Variants in CYP19A1 observed in about 807,000 individuals in gnomAD.
CYP19A1 encodes cytochrome P450 family 19 subfamily A member 1.
In CYP19A1, 32 loss-of-function variants were observed where a neutral mutation model predicts 44.4. That is an observed-to-expected ratio of 0.72 (90% CI 0.54 to 0.97). CYP19A1 has a LOEUF of 0.97. Ranked by LOEUF, CYP19A1 falls within the 50% of genes least tolerant of loss-of-function variation. CYP19A1 has a pLI of 0.00. For missense variants in CYP19A1, 598 were observed against 637.8 expected, an observed-to-expected ratio of 0.94 and a Z score of 0.67; for synonymous variants, 212 against 215.6, an observed-to-expected ratio of 0.98 and a Z score of 0.14.
intron 5 of CYP19A1, among the ~76,000 whole-genome samples, chr15:51,220,974 T>A (rs1161570640): frequency 6.9e-6 from 1 of 144,092 alleles, no homozygotes; most frequent in Non-Finnish European, 1.6e-5. Context: ...TGCATGCACA[T>A]GTTTTTTTTT....
At chr15:51,248,255 C>T (rs531341432) in intron 1 of CYP19A1, among the ~76,000 whole-genome samples, 5 of 152,354 alleles carry the variant, frequency 3.3e-5, no homozygotes, top group South Asian at 2.1e-4. Flanking sequence ...AACAAACCAT[C>T]TCTCCATGAG....
In CYP19A1 at chr15:51,331,617, G is replaced by A. The variant is rs1243728514; in HGVS notation, c.-39+6878C>T. Among the ~76,000 whole-genome samples, 4 of 151,982 alleles carry A rather than the reference G, an allele frequency of 2.6e-5. No homozygotes were observed. The East Asian group carries it at 7.7e-4, about 29-fold the overall frequency. On this transcript the variant is annotated intron_variant, in intron 1 of 9. Transcript: ENST00000396402. ...ATGTGGTAGGACTGGATAGAATGGGGGCGAGTTCAGGGGGGCGCGACTTCT... is the reference window on the plus strand; with the variant it reads ...ATGTGGTAGGACTGGATAGAATGGGAGCGAGTTCAGGGGGGCGCGACTTCT...
chr15:51,292,246 T>C (rs1201970507), intron 1 of CYP19A1, among the ~76,000 whole-genome samples: 4 of 152,192 alleles, frequency 2.6e-5, no homozygotes, highest in African/African-American at 9.6e-5. Context: ...CCAACTAGGG[T>C]TAATTATTGG....
At chr15:51,293,703 C>CG (rs1256710134) in intron 1 of CYP19A1, 1 of 157,842 alleles carries the variant, frequency 6.3e-6, no homozygotes, top group African/African-American at 2.4e-5. Flanking sequence ...ATTGCAGGCG[C>CG]GCGCCGCCAC....
In CYP19A1 at chr15:51,208,423, G is replaced by A. The variant is rs1054664190; in HGVS notation, c.*2385C>T. On this transcript the variant is annotated 3_prime_UTR_variant, in exon 10 of 10. Transcript: ENST00000396402. ...AGCCCTTATATGCATGCATTTCACT[G>A]ATAATTTACACATTGCAGTTCTTTC... is the stretch of plus-strand genomic sequence containing the variant. 1 of 152,184 alleles carries A rather than the reference G, an allele frequency of 6.6e-6. No homozygotes were observed. Among genetic ancestry groups the A allele is most frequent in the Middle Eastern group, 3.4e-3 (1 of 294 alleles). The allele number at this position is 152,184 out of a possible 1,614,324, so 9.4% of individuals were successfully genotyped here.
chr15:51,219,422 T>A (rs960843186), intron 5 of CYP19A1, among the ~76,000 whole-genome samples: 9 of 152,242 alleles, frequency 5.9e-5, no homozygotes, highest in Non-Finnish European at 1.0e-4. Flanking sequence ...CCAGTCACCA[T>A]GCTAGGCACT....
intron 1 of CYP19A1, among the ~76,000 whole-genome samples, chr15:51,329,780 G>T (rs1305272585): frequency 6.6e-6 from 1 of 152,194 alleles, no homozygotes; most frequent in Non-Finnish European, 1.5e-5. Flanking sequence ...TACATGCCAG[G>T]TATGCATGAG....
At chr15:51,265,368 T>C (rs575772275) in intron 1 of CYP19A1, among the ~76,000 whole-genome samples, 1 of 152,276 alleles carries the variant, frequency 6.6e-6, no homozygotes, top group Non-Finnish European at 1.5e-5. Context: ...AAAAAATAAA[T>C]ATTTTGAGTT....
chr15:51,249,033 A>G lies in CYP19A1; in HGVS notation c.-38-6083T>C, dbSNP rs2034192617. Among the ~76,000 whole-genome samples the G allele has an allele frequency of 2.0e-5, 3 of 150,958 alleles. 1 individual carries two copies. Among genetic ancestry groups the G allele is most frequent in the Admixed American group, 1.3e-4 (2 of 15,098 alleles). Reference sequence around the variant, plus strand: ...TGACTCACTGCAACCTCCGCCTCCCAGGTTCAAACGATTCTCCTGCCTCGG... The same window carrying G: ...TGACTCACTGCAACCTCCGCCTCCCGGGTTCAAACGATTCTCCTGCCTCGG... On this transcript the variant is annotated intron_variant, in intron 1 of 9. Transcript: ENST00000396402.
chr15:51,248,743 A>G (rs776320114), intron 1 of CYP19A1, among the ~76,000 whole-genome samples: 9 of 152,054 alleles, frequency 5.9e-5, no homozygotes, highest in Non-Finnish European at 8.8e-5. Flanking sequence ...CTGAGTTTGC[A>G]CTGTCTCCAG....
chr15:51,252,446 G>A (rs1227701897), intron 1 of CYP19A1, among the ~76,000 whole-genome samples: 1 of 152,140 alleles, frequency 6.6e-6, no homozygotes, highest in African/African-American at 2.4e-5. Context: ...GTTGTTTCCA[G>A]GTTATAAGAG....
intron 1 of CYP19A1, among the ~76,000 whole-genome samples, chr15:51,323,665 G>C (rs1006298839): frequency 6.6e-5 from 10 of 152,044 alleles, no homozygotes; most frequent in African/African-American, 2.2e-4. Context: ...TCCATGCCCT[G>C]CCCCCAGCAC....
intron 1 of CYP19A1, among the ~76,000 whole-genome samples, chr15:51,250,214 C>T (rs191972137): frequency 1.3e-5 from 2 of 152,330 alleles, no homozygotes; most frequent in Non-Finnish European, 1.5e-5. Context: ...TGCTAAAACC[C>T]ACATTTCACA....
intron 2 of CYP19A1, among the ~76,000 whole-genome samples, chr15:51,240,828 G>T (rs1385684915): frequency 6.6e-6 from 1 of 152,102 alleles, no homozygotes; most frequent in Non-Finnish European, 1.5e-5. Context: ...CCTTCACTGG[G>T]CTTTAACCAT....
chr15:51,220,976 T>G (rs1377476861), intron 5 of CYP19A1, among the ~76,000 whole-genome samples: 1 of 97,240 alleles, frequency 1.0e-5, no homozygotes, highest in Non-Finnish European at 2.5e-5. Flanking sequence ...CATGCACATG[T>G]TTTTTTTTTT....
intron 1 of CYP19A1, among the ~76,000 whole-genome samples, chr15:51,329,791 G>A (rs2036671927): frequency 1.3e-5 from 2 of 152,228 alleles, no homozygotes. Flanking sequence ...TATGCATGAG[G>A]TTCTGGGAGT....
intron 1 of CYP19A1, chr15:51,278,112 T>C (rs1012074942): frequency 6.6e-6 from 1 of 152,090 alleles, no homozygotes; most frequent in African/African-American, 2.4e-5. Context: ...GCAATCACTC[T>C]TCGTGTGCCA....
In CYP19A1 at chr15:51,224,207, A is replaced by G. The variant is rs191856842; in HGVS notation, c.452-1682T>C. On this transcript the variant is annotated intron_variant, in intron 4 of 9. Transcript: ENST00000396402. ...GTCATTGCCTAAGTTGCACTTAACT[A>G]TTTCTCTACAGACTCACCCAGTAAG... Among the ~76,000 whole-genome samples, 15 of 152,168 alleles carry G rather than the reference A, an allele frequency of 9.9e-5. No individual in the cohort carries two copies. In the East Asian group the frequency reaches 2.7e-3, roughly 27 times the overall value.
At chr15:51,303,276 G>A (rs938301245) in intron 1 of CYP19A1, among the ~76,000 whole-genome samples, 1 of 152,126 alleles carries the variant, frequency 6.6e-6, no homozygotes, top group Non-Finnish European at 1.5e-5. Flanking sequence ...AGGACAGGCT[G>A]GGCCAGGGAG....
Sources: allele counts gnomAD v4.1 joint callset (sites outside exome capture counted in the v4.1 genomes callset), GRCh38; gene constraint gnomAD v4.1.1; transcripts MANE v1.5; gene names NCBI Gene and HGNC (gene_info 2026-07-23, HGNC 2026-07-21).